TEKT2: variants seen among roughly 807,000 people sequenced by gnomAD.
TEKT2 encodes tektin 2.
A neutral mutation model predicts 49.8 loss-of-function variants in TEKT2; 45 were observed. The observed-to-expected ratio is 0.90, with a 90% CI of 0.71 to 1.16. The LOEUF (loss-of-function observed/expected upper bound fraction) is 1.16. Among genes scored for constraint, TEKT2 ranks in the 50% most tolerant of loss-of-function variants. The probability of loss-of-function intolerance (pLI) is 0.00; values close to 1 mark genes in which losing one functional copy is unlikely to be tolerated. For missense variants in TEKT2, 523 were observed against 551.4 expected (o/e 0.95, Z 0.52); for synonymous variants, 202 against 224.6 (o/e 0.90, Z 0.90).
rs1023331237 is a variant in TEKT2, at chr1:36,087,376, G to A, written c.856-63G>A. The A allele has an allele frequency of 9.3e-6, 15 of 1,613,728 alleles. No individual in the cohort carries two copies. The Admixed American group carries it at 1.2e-4, about 13-fold the overall frequency. Reference sequence around the variant, plus strand: ...GAGAAGCCGCATGCCCCCGCCAGGAGGCACTGGACCAGGCATGCACGTGAG... The same window carrying A: ...GAGAAGCCGCATGCCCCCGCCAGGAAGCACTGGACCAGGCATGCACGTGAG... On this transcript the variant is annotated intron_variant, in intron 7 of 9. Coordinates refer to ENST00000207457, the MANE Select transcript of TEKT2 (RefSeq NM_014466.3). The surrounding 1 kb of genome is among the most constrained non-coding windows in gnomAD (Gnocchi z 4.9).
chr1:36,087,304 A>G lies in TEKT2; in HGVS notation c.848A>G (p.Glu283Gly). The stretch of plus-strand genomic sequence containing the variant: ...GTGTACAGTGAGCTCAAGTGGCAAG[A>G]GAAGAATGTGAGCATCTCCAGGGGC... ...EKVYSELKWQ[E>G]KNTLEEIAEL... The change falls in exon 7 of 10, where the codon GAG (glutamate) becomes GGG (glycine). Residue 283 changes from glutamate to glycine, a missense_variant. Coordinates refer to ENST00000207457, the MANE Select transcript of TEKT2 (RefSeq NM_014466.3). This position sits in a 1 kb window ranked among gnomAD's most constrained non-coding sequence, Gnocchi z 4.9. The G allele has an allele frequency of 1.2e-6, 2 of 1,614,116 alleles. No individual in the cohort carries two copies. Among genetic ancestry groups the G allele is most frequent in the Non-Finnish European group, 1.7e-6 (2 of 1,180,038 alleles).
rs550422393 is a variant in TEKT2, at chr1:36,084,813, C to A, written c.-52-57C>A. ...ACAGGAACAAGTCCTGCGCAGGGGGCGTGTGATCCAGGAGGTCTCCGGAAA... is the reference window on the plus strand; with the variant it reads ...ACAGGAACAAGTCCTGCGCAGGGGGAGTGTGATCCAGGAGGTCTCCGGAAA... On this transcript the variant is annotated intron_variant, in intron 1 of 9. Coordinates refer to ENST00000207457, the MANE Select transcript of TEKT2 (RefSeq NM_014466.3). The surrounding 1 kb of genome is among the most constrained non-coding windows in gnomAD (Gnocchi z 4.1). The A allele has an allele frequency of 1.1e-5, 17 of 1,509,898 alleles. No individual in the cohort carries two copies. The Admixed American group carries it at 2.7e-4, about 24-fold the overall frequency. The allele number at this position is 1,509,898 out of a possible 1,614,324, so 93.5% of individuals were successfully genotyped here.
chr1:36,086,186 T>G, intron 4 of TEKT2, 145 bp downstream of exon 4: 2 of 881,962 alleles, frequency 2.3e-6, no homozygotes, highest in Middle Eastern at 3.2e-4. Context: ...AAACCACTAA[T>G]CAATTGTAGC....
chr1:36,087,590 G>C lies in TEKT2; in HGVS notation c.999+8G>C, dbSNP rs769737369. Reference sequence around the variant, plus strand: ...GAACTCTGCCGGGACCAGGTGAGAGGGTGTCCCAGTGGCGCACGGGCCCCC... The same window carrying C: ...GAACTCTGCCGGGACCAGGTGAGAGCGTGTCCCAGTGGCGCACGGGCCCCC... On this transcript the variant is annotated splice_region_variant and intron_variant, in intron 8 of 9. Transcript: ENST00000207457. The surrounding 1 kb of genome is among the most constrained non-coding windows in gnomAD (Gnocchi z 4.9). The C allele has an allele frequency of 3.1e-6, 5 of 1,613,676 alleles. No homozygotes were observed. The South Asian group carries it at 5.5e-5, about 18-fold the overall frequency.
Position 36,088,015 on chromosome 1 carries a change from G to T in TEKT2, c.1122G>T (p.Gln374His). 6.2e-7 allele frequency: 1 copy of T among 1,612,386 alleles called. No homozygotes were observed. Among genetic ancestry groups the T allele is most frequent in the Non-Finnish European group, 8.5e-7 (1 of 1,179,702 alleles). ...TGTGCAAGCACCTGGCCCGGCTGCA[G>T]GCTGACATTGCCTGCAAGGCCAACT... ...DALCKHLARL[Q>H]ADIACKANSM... The change falls in exon 10 of 10, where the codon CAG becomes CAT. Residue 374 changes from glutamine to histidine, a missense_variant. By Grantham distance (24) the Gln-to-His change is conservative. Coordinates refer to ENST00000207457, the MANE Select transcript of TEKT2 (RefSeq NM_014466.3).
At chr1:36,086,590 C>T in intron 4 of TEKT2, 114 bp from the exon 5 acceptor site, 1 of 1,410,278 alleles carries the variant, frequency 7.1e-7, no homozygotes, top group Admixed American at 1.7e-5. Context: ...GCTCCATTGT[C>T]TTCTGCTGGG....
Position 36,087,767 on chromosome 1 carries a change from G to A in TEKT2, c.1039G>A (p.Ala347Thr), listed in dbSNP as rs769344061. Residue 347 changes from alanine to threonine, a missense_variant, in exon 9 of 10, where the codon GCA (alanine) becomes ACA (threonine). By Grantham distance (58) the Ala-to-Thr change is moderately conservative. Transcript: ENST00000207457. The surrounding 1 kb of genome is among the most constrained non-coding windows in gnomAD (Gnocchi z 4.9). The part of the protein sequence containing the change: ...GLTDEVHQLE[A>T]TIAALKQKLA... ...CACCGACGAGGTTCACCAGCTAGAG[G>A]CAACCATCGCTGCCCTGAAGCAGAA... 1.5e-5 allele frequency: 25 copies of A among 1,613,722 alleles called. No individual in the cohort carries two copies. Among genetic ancestry groups the A allele is most frequent in the Non-Finnish European group, 2.1e-5 (25 of 1,180,026 alleles).
chr1:36,087,879 C>T lies in TEKT2; in HGVS notation c.1079+72C>T. The T allele has an allele frequency of 1.3e-6, 2 of 1,595,168 alleles. No individual in the cohort carries two copies. Among genetic ancestry groups the T allele is most frequent in the Non-Finnish European group, 1.7e-6 (2 of 1,170,370 alleles). On this transcript the variant is annotated intron_variant, in intron 9 of 9. Transcript: ENST00000207457. This position sits in a 1 kb window ranked among gnomAD's most constrained non-coding sequence, Gnocchi z 4.9. ...AATGGGGCCTCTTGCTGGCTGCTGG[C>T]TCCCTGGGGCTGTCTTCCTGACTGA...
In TEKT2 at chr1:36,085,005, C is replaced by A; in HGVS notation, c.84C>A (p.Ala28=). 6.2e-7 allele frequency: 1 copy of A among 1,614,074 alleles called. No individual in the cohort carries two copies. Among genetic ancestry groups the A allele is most frequent in the Non-Finnish European group, 8.5e-7 (1 of 1,180,038 alleles). The part of the protein sequence containing the change: ...HTNSYLLSTN[A]QLQRDASHQI... ...ACAGCTACCTGCTATCCACCAATGC[C>A]CAGCTGCAGCGAGATGCTTCCCATC... Residue 28 remains alanine (A), a synonymous_variant, in exon 2 of 10, where the codon GCC becomes GCA. Transcript: ENST00000207457.
chr1:36,084,347 C>G lies in TEKT2; in HGVS notation c.-53+198C>G. 1 of 158,952 alleles carries G rather than the reference C, an allele frequency of 6.3e-6. No individual in the cohort carries two copies. Among genetic ancestry groups the G allele is most frequent in the South Asian group, 1.8e-4 (1 of 5,670 alleles). 9.8% of individuals were successfully genotyped at this position (158,952 alleles called of 1,614,324 possible). A position where few individuals can be genotyped will look rare whatever the true frequency, so the allele number is the denominator to read the frequency against. ...AGGCGAGGGCGGAGGGGCGGGAGGGCGTGGCGGCTACCAGACGGGGAGGGG... is the reference window on the plus strand; with the variant it reads ...AGGCGAGGGCGGAGGGGCGGGAGGGGGTGGCGGCTACCAGACGGGGAGGGG... On this transcript the variant is annotated intron_variant, in intron 1 of 9. Transcript: ENST00000207457. This position sits in a 1 kb window ranked among gnomAD's most constrained non-coding sequence, Gnocchi z 4.1.
Position 36,088,097 on chromosome 1 carries a change from G to A in TEKT2, c.1204G>A (p.Glu402Lys), listed in dbSNP as rs369864150. 1.2e-6 allele frequency: 2 copies of A among 1,613,050 alleles called. No individual in the cohort carries two copies. Among genetic ancestry groups the A allele is most frequent in the South Asian group, 2.2e-5 (2 of 91,066 alleles). The change falls in exon 10 of 10, where the codon GAG becomes AAG. Residue 402 changes from glutamate (E) to lysine (K), a missense_variant. Transcript: ENST00000207457. Reference protein sequence around the residue: ...DTRRKLTVPAERFVPEVDTFT... With the variant: ...DTRRKLTVPAKRFVPEVDTFT... Reference sequence around the variant, plus strand: ...ACGGCGCAAGCTGACCGTGCCTGCTGAGAGGTTCGTGCCTGAGGTGGACAC... The same window carrying A: ...ACGGCGCAAGCTGACCGTGCCTGCTAAGAGGTTCGTGCCTGAGGTGGACAC...
rs772249476 is a variant in TEKT2, at chr1:36,088,162, A to C, written c.1269A>C (p.Lys423Asn). ...CAAATAGCACCCTGAGTCCACTCAA[A>C]AGCTGCCAGCTGGAGCTGGCCTAGC... is the stretch of plus-strand genomic sequence containing the variant. ...RTTNSTLSPL[K>N]SCQLELA The change falls in exon 10 of 10, where the codon AAA (lysine) becomes AAC (asparagine). Residue 423 changes from lysine to asparagine, a missense_variant. Coordinates refer to ENST00000207457, the MANE Select transcript of TEKT2 (RefSeq NM_014466.3). 5.0e-6 allele frequency: 8 copies of C among 1,612,754 alleles called. No homozygotes were observed. The highest frequency in any genetic ancestry group is 6.8e-6 in the Non-Finnish European group (8 of 1,179,848).
chr1:36,085,581 C>T (rs567545517), intron 3 of TEKT2: 104 of 463,958 alleles, frequency 2.2e-4, no homozygotes, highest in African/African-American at 1.9e-3. Flanking sequence ...GTGGTGTGAT[C>T]GTGGCTCACT....
Position 36,087,629 on chromosome 1 carries a change from C to T in TEKT2, c.999+47C>T. ...GCACGGGCCCCCTAGCCAAGGTTTT[C>T]TCATATTCCTGATGGAGCAAGGGCA... is the stretch of plus-strand genomic sequence containing the variant. On this transcript the variant is annotated intron_variant, in intron 8 of 9. Transcript: ENST00000207457. The surrounding 1 kb of genome is among the most constrained non-coding windows in gnomAD (Gnocchi z 4.9). 3 of 1,613,320 alleles carry T rather than the reference C, an allele frequency of 1.9e-6. No homozygotes were observed. The highest frequency in any genetic ancestry group is 2.5e-6 in the Non-Finnish European group (3 of 1,179,888).
chr1:36,087,662 C>G lies in TEKT2; in HGVS notation c.1000-66C>G. The G allele has an allele frequency of 1.9e-6, 3 of 1,612,204 alleles. No homozygotes were observed. Among genetic ancestry groups the G allele is most frequent in the Non-Finnish European group, 2.5e-6 (3 of 1,179,286 alleles). On this transcript the variant is annotated intron_variant, in intron 8 of 9. Transcript: ENST00000207457. The surrounding 1 kb of genome is among the most constrained non-coding windows in gnomAD (Gnocchi z 4.9). Reference sequence around the variant, plus strand: ...CCTGATGGAGCAAGGGCACTGCTGTCAAGGGGCAGCACTCAGGTAAAGGAC... The same window carrying G: ...CCTGATGGAGCAAGGGCACTGCTGTGAAGGGGCAGCACTCAGGTAAAGGAC...
Position 36,088,225 on chromosome 1 carries a change from C to A in TEKT2, c.*39C>A. 1.4e-6 allele frequency: 2 copies of A among 1,447,476 alleles called. No homozygotes were observed. The highest frequency in any genetic ancestry group is 1.9e-6 in the Non-Finnish European group (2 of 1,034,094). 89.7% of individuals were successfully genotyped at this position (1,447,476 alleles called of 1,614,324 possible). ...CAGGAGGAGGGCAGGGTTGGGTGGG[C>A]AATGGAAGGAGGGAGGAGAGAAATG... On this transcript the variant is annotated 3_prime_UTR_variant, in exon 10 of 10. Coordinates refer to ENST00000207457, the MANE Select transcript of TEKT2 (RefSeq NM_014466.3).
At chr1:36,085,325 C>T (rs562492556) in intron 3 of TEKT2, 37 bp downstream of exon 3, 9 of 1,612,676 alleles carry the variant, frequency 5.6e-6, no homozygotes, top group African/African-American at 2.7e-5. Context: ...GGGCTGCTGC[C>T]GAAACCTCCC....
chr1:36,085,487 T>C (rs1643355197), intron 3 of TEKT2, among the ~76,000 whole-genome samples, 199 bp downstream of exon 3: 1 of 151,548 alleles, frequency 6.6e-6, no homozygotes, highest in African/African-American at 2.4e-5. Flanking sequence ...TTCTTTTCTT[T>C]TTTTTTCTTT....
In TEKT2 at chr1:36,085,859, C is replaced by G. The variant is rs368324904; in HGVS notation, c.306C>G (p.Asn102Lys). ...AGATGAAGGAGTCAGCAGAGCAAAA[C>G]CTGCAGGCCAAGAACCTGCCTCTGG... ...LTQMKESAEQ[N>K]LQAKNLPLDV... The change falls in exon 4 of 10, where the codon AAC becomes AAG. Residue 102 changes from asparagine to lysine, a missense_variant. Asn to Lys is a moderately conservative substitution (Grantham distance 94, BLOSUM62 0). Coordinates refer to ENST00000207457, the MANE Select transcript of TEKT2 (RefSeq NM_014466.3). 142 of 1,613,844 alleles carry G rather than the reference C, an allele frequency of 8.8e-5. 1 individual carries two copies. The South Asian group carries it at 9.6e-4, about 11-fold the overall frequency.
Sources: gnomAD v4.1 joint callset for allele counts (sites outside exome capture counted in the v4.1 genomes callset) on GRCh38, gnomAD v4.1.1 for gene constraint, Gnocchi (gnomAD v3.1) non-coding constraint, MANE v1.5 for transcripts, NCBI Gene and HGNC (gene_info 2026-07-23, HGNC 2026-07-21) for gene names.